The following PAK6 variants were observed in gnomAD, a reference collection of about 807,000 sequenced individuals.
PAK6 encodes p21 (RAC1) activated kinase 6.
PAK6 carries 33 observed loss-of-function variants against 60.8 expected under a neutral mutation model. The ratio of observed to expected loss-of-function variants is 0.54; its 90% CI spans 0.41 to 0.73. The LOEUF (loss-of-function observed/expected upper bound fraction) is 0.73, where lower values mean the gene tolerates loss of function less well. Ranked by LOEUF, PAK6 falls within the 30% of genes least tolerant of loss-of-function variation. PAK6 has a pLI of 0.00. For synonymous variants in PAK6, 404 were observed against 378.5 expected (o/e 1.07, Z -0.78); for missense variants, 845 against 904.1 (o/e 0.93, Z 0.84).
At chr15:40,260,978 T>C (rs983124465) in intron 3 of PAK6, among the ~76,000 whole-genome samples, 6 of 151,718 alleles carry the variant, frequency 4.0e-5, no homozygotes, top group Non-Finnish European at 8.8e-5. Context: ...AAGCTCCGCC[T>C]CCCAGGTTCA....
Position 40,266,139 on chromosome 15 carries a change from G to A in PAK6, c.502G>A (p.Val168Ile), listed in dbSNP as rs1443058928. The change falls in exon 5 of 11, where the codon GTC (valine) becomes ATC (isoleucine). Residue 168 changes from valine (V) to isoleucine (I), a missense_variant. Transcript: ENST00000560346. ...GTGGCCCGAGCCACAGAGCCCACGG[G>A]TCCTGCCCAATGGGCTGGCTGCAAA... is the stretch of plus-strand genomic sequence containing the variant. 23 of 1,609,610 alleles carry A rather than the reference G, an allele frequency of 1.4e-5. No homozygotes were observed. The highest frequency in any genetic ancestry group is 3.3e-5 in the Admixed American group (2 of 59,934).
At chr15:40,250,186 G>C (rs2038624175) in intron 2 of PAK6, among the ~76,000 whole-genome samples, 1 of 152,256 alleles carries the variant, frequency 6.6e-6, no homozygotes, top group South Asian at 2.1e-4. Flanking sequence ...GCACGGATCA[G>C]AGGAGAATAG....
At chr15:40,241,256 G>A (rs1466810716) in intron 2 of PAK6, among the ~76,000 whole-genome samples, 4 of 152,170 alleles carry the variant, frequency 2.6e-5, no homozygotes, top group African/African-American at 9.7e-5. Context: ...ATAAAGCACT[G>A]GGCCCCACCG....
At chr15:40,254,512 G>A (rs2038783222) in intron 3 of PAK6, among the ~76,000 whole-genome samples, 1 of 152,156 alleles carries the variant, frequency 6.6e-6, no homozygotes, top group Admixed American at 6.5e-5. Context: ...AAACAGCAGC[G>A]CCCCCTGCAC....
rs1432823647 is a variant in PAK6, at chr15:40,274,279, C to T, written c.1878+3C>T. On this transcript the variant is annotated splice_donor_region_variant and intron_variant, in intron 10 of 10. Coordinates refer to ENST00000560346, the Ensembl canonical transcript of PAK6. ...CCAAGCTGAAAAACTCTCACAAGGTCAGTTGGCACACAAGGGTGCGACCTC... is the reference window on the plus strand; with the variant it reads ...CCAAGCTGAAAAACTCTCACAAGGTTAGTTGGCACACAAGGGTGCGACCTC... 1.9e-6 allele frequency: 3 copies of T among 1,601,118 alleles called. No individual in the cohort carries two copies. Among genetic ancestry groups the T allele is most frequent in the South Asian group, 1.1e-5 (1 of 89,494 alleles).
intron 5 of PAK6, among the ~76,000 whole-genome samples, chr15:40,269,589 C>T (rs963696331): frequency 2.6e-5 from 4 of 152,224 alleles, no homozygotes; most frequent in Admixed American, 2.6e-4. Flanking sequence ...CAAGTTTCAT[C>T]TGGTCCTTGC....
chr15:40,265,739 C>T, intron 4 of PAK6, 103 bp from the exon 5 acceptor site: 18 of 1,082,894 alleles, frequency 1.7e-5, no homozygotes, highest in Non-Finnish European at 2.3e-5. Context: ...TTAGGTGGTC[C>T]TCCCCAGGGC....
chr15:40,252,313 C>G (rs868858964), intron 2 of PAK6: 21 of 1,242,514 alleles, frequency 1.7e-5, no homozygotes, highest in Non-Finnish European at 2.2e-5. Flanking sequence ...CGGGTCTCCG[C>G]GAGGCGGCCA....
intron 3 of PAK6, among the ~76,000 whole-genome samples, chr15:40,256,125 T>G (rs2038826927): frequency 6.6e-6 from 1 of 152,030 alleles, no homozygotes; most frequent in Non-Finnish European, 1.5e-5. Flanking sequence ...CTCAAGCGAC[T>G]GAGGTGGGAG....
At chr15:40,272,672 A>G (rs1185850296) in exon 6 of PAK6, 23 of 1,604,334 alleles carry the variant, frequency 1.4e-5, no homozygotes, top group Non-Finnish European at 2.0e-5. Context: ...GTGGCCGTCA[A>G]GATGATGGAC....
exon 5 of PAK6, chr15:40,266,005 C>T: frequency 6.2e-7 from 1 of 1,600,238 alleles, no homozygotes. Flanking sequence ...GAGCACTGGG[C>T]CACCGACCCA....
intron 3 of PAK6, among the ~76,000 whole-genome samples, chr15:40,262,537 C>T (rs1015697731): frequency 6.6e-6 from 1 of 151,878 alleles, no homozygotes; most frequent in Admixed American, 6.6e-5. Context: ...CAAACAACAA[C>T]AAAAAAGGCA....
intron 3 of PAK6, among the ~76,000 whole-genome samples, chr15:40,253,887 G>GT (rs5812153): frequency 6.6e-6 from 1 of 152,002 alleles, no homozygotes; most frequent in Non-Finnish European, 1.5e-5. Flanking sequence ...CATTCTGGTG[G>GT]TTTTTTGGGG....
chr15:40,247,330 A>G (rs932839118), intron 2 of PAK6: 1 of 152,262 alleles, frequency 6.6e-6, no homozygotes, highest in Non-Finnish European at 1.5e-5. Context: ...CTGCAAAGCA[A>G]TTGTAGCGAA....
chr15:40,263,523 C>A (rs1281208282), intron 3 of PAK6, among the ~76,000 whole-genome samples: 2 of 152,226 alleles, frequency 1.3e-5, no homozygotes, highest in African/African-American at 4.8e-5. Flanking sequence ...CATTGCAAGC[C>A]TGTGTCACTT....
chr15:40,275,092 G>A (rs1334286096), intron 10 of PAK6, among the ~76,000 whole-genome samples: 1 of 152,062 alleles, frequency 6.6e-6, no homozygotes, highest in Non-Finnish European at 1.5e-5. Context: ...ATTCCTCAGA[G>A]GATGTAGCCT....
chr15:40,260,053 A>G (rs1427677325), intron 3 of PAK6: 1 of 152,132 alleles, frequency 6.6e-6, no homozygotes, highest in African/African-American at 2.4e-5. Context: ...GCCAAAGTAA[A>G]CCTTGATAGT....
intron 2 of PAK6, among the ~76,000 whole-genome samples, chr15:40,244,303 C>T (rs564021681): frequency 7.3e-6 from 1 of 137,610 alleles, no homozygotes; most frequent in African/African-American, 2.7e-5. Context: ...TGCACTCCAG[C>T]CTGGCCACAG....
At chr15:40,273,761 A>G in intron 9 of PAK6, 85 bp downstream of exon 9, 1 of 1,509,956 alleles carries the variant, frequency 6.6e-7, no homozygotes, top group Non-Finnish European at 9.0e-7. Flanking sequence ...CAGTGAGCTC[A>G]CCAAAAGCAG....
Sources: gnomAD v4.1 joint callset for allele counts (sites outside exome capture counted in the v4.1 genomes callset) on GRCh38, gnomAD v4.1.1 for gene constraint, MANE v1.5 for transcripts, NCBI Gene and HGNC (gene_info 2026-07-23, HGNC 2026-07-21) for gene names.